The following ATP9B variants were observed in gnomAD, a reference collection of about 807,000 sequenced individuals.
ATP9B encodes the protein probable phospholipid-transporting ATPase IIB.
ATP9B carries 110 observed loss-of-function variants against 146.1 expected under a neutral mutation model. The observed-to-expected ratio is 0.75, with a 90% CI of 0.65 to 0.88. The LOEUF (loss-of-function observed/expected upper bound fraction) is 0.88, where lower values mean the gene tolerates loss of function less well. Ranked by LOEUF, ATP9B falls within the 40% of genes least tolerant of loss-of-function variation. The pLI is 0.00. For synonymous variants in ATP9B, 604 were observed against 569.7 expected (o/e 1.06, Z -0.86); for missense variants, 1,499 against 1,496.4 (o/e 1.00, Z -0.03).
chr18:79,150,810 A>C (rs2094677183), intron 6 of ATP9B, among the ~76,000 whole-genome samples: 1 of 152,132 alleles, frequency 6.6e-6, no homozygotes, highest in African/African-American at 2.4e-5. Context: ...GACAACATAG[A>C]CCAAAATTTA....
In ATP9B at chr18:79,193,283, C is replaced by G. The variant is rs370967359; in HGVS notation, c.954+20C>G. On this transcript the variant is annotated intron_variant, in intron 9 of 29. Coordinates refer to ENST00000426216, the MANE Select transcript of ATP9B (RefSeq NM_198531.5). ...ACCAGGGTAAGTTAAACCTGTTGTT[C>G]AATACAAATAGAGTTATTGTGTAAG... 4.5e-6 allele frequency: 7 copies of G among 1,548,124 alleles called. 1 individual carries two copies. The highest frequency in any genetic ancestry group is 6.2e-6 in the Non-Finnish European group (7 of 1,121,288).
At chr18:79,213,457 C>A (rs1183826778) in intron 10 of ATP9B, among the ~76,000 whole-genome samples, 3 of 152,048 alleles carry the variant, frequency 2.0e-5, no homozygotes, top group African/African-American at 7.2e-5. Context: ...TATAATATTT[C>A]TATTATTTTA....
At chr18:79,354,070 GT>G (rs2096936701) in intron 25 of ATP9B, 1 of 152,174 alleles carries the variant, frequency 6.6e-6, no homozygotes, top group Non-Finnish European at 1.5e-5. Flanking sequence ...ACCTACAATA[GT>G]TTTAAAAATA....
chr18:79,286,214 G>A (rs1456216684), intron 13 of ATP9B, among the ~76,000 whole-genome samples: 7 of 151,956 alleles, frequency 4.6e-5, no homozygotes, highest in African/African-American at 9.7e-5. Context: ...TGGGCAGTAC[G>A]GCCATTTTCA....
At chr18:79,218,401 G>A (rs2095648116) in intron 11 of ATP9B, among the ~76,000 whole-genome samples, 2 of 151,158 alleles carry the variant, frequency 1.3e-5, no homozygotes, top group Non-Finnish European at 2.9e-5. Flanking sequence ...GGCACAGGCT[G>A]GCAGCTCCTG....
intron 11 of ATP9B, among the ~76,000 whole-genome samples, chr18:79,237,188 C>T (rs1328273439): frequency 9.9e-6 from 1 of 100,652 alleles, no homozygotes; most frequent in Non-Finnish European, 2.0e-5. Flanking sequence ...TGTACACAGT[C>T]CGTGCACGAG....
At chr18:79,217,129 G>A (rs1224800744) in intron 11 of ATP9B, among the ~76,000 whole-genome samples, 2 of 152,256 alleles carry the variant, frequency 1.3e-5, no homozygotes, top group Non-Finnish European at 2.9e-5. Context: ...GCTGCTGATA[G>A]TGAAGCTCCT....
At chr18:79,337,164 C>G (rs538219200) in intron 18 of ATP9B, 115 bp from the exon 19 acceptor site, 3 of 1,331,538 alleles carry the variant, frequency 2.3e-6, no homozygotes, top group Admixed American at 3.8e-5. Flanking sequence ...AGCACGTACA[C>G]GTGTGCACAT....
At chr18:79,215,864 A>G (rs1467640608) in intron 11 of ATP9B, among the ~76,000 whole-genome samples, 1 of 151,960 alleles carries the variant, frequency 6.6e-6, no homozygotes, top group Non-Finnish European at 1.5e-5. Context: ...TAATTTTCAT[A>G]TTTTTAGTAG....
At chr18:79,332,540 T>C (rs1331262969) in intron 17 of ATP9B, among the ~76,000 whole-genome samples, 3 of 152,134 alleles carry the variant, frequency 2.0e-5, no homozygotes, top group African/African-American at 7.2e-5. Context: ...GGTCTTCATG[T>C]TGAGGAGGCT....
intron 7 of ATP9B, among the ~76,000 whole-genome samples, chr18:79,175,793 C>G (rs1405651295): frequency 6.6e-6 from 1 of 152,136 alleles, no homozygotes; most frequent in African/African-American, 2.4e-5. Context: ...TACGCTTGTG[C>G]ACACACAGCA....
At chr18:79,116,915 A>G (rs1313449318) in intron 4 of ATP9B, among the ~76,000 whole-genome samples, 2 of 112,646 alleles carry the variant, frequency 1.8e-5, no homozygotes, top group African/African-American at 7.1e-5. Context: ...TAAAACTTAG[A>G]GTATAATAAA....
intron 11 of ATP9B, among the ~76,000 whole-genome samples, chr18:79,250,754 G>A (rs899477197): frequency 6.6e-6 from 1 of 152,214 alleles, no homozygotes; most frequent in Non-Finnish European, 1.5e-5. Context: ...GCCCATACCC[G>A]CAGCAGCGTT....
At chr18:79,292,390 G>A (rs911772122) in intron 13 of ATP9B, among the ~76,000 whole-genome samples, 2 of 152,218 alleles carry the variant, frequency 1.3e-5, no homozygotes, top group African/African-American at 4.8e-5. Context: ...GAATGAAATT[G>A]TATTTCTGTA....
chr18:79,256,955 T>G (rs1381570267), intron 12 of ATP9B, among the ~76,000 whole-genome samples: 3 of 152,226 alleles, frequency 2.0e-5, no homozygotes, highest in African/African-American at 7.2e-5. Flanking sequence ...TGATTATGTT[T>G]GAAGTAAGAC....
intron 11 of ATP9B, among the ~76,000 whole-genome samples, chr18:79,220,218 T>G (rs141596409): frequency 2.9e-4 from 44 of 152,010 alleles, no homozygotes; most frequent in African/African-American, 1.1e-3. Flanking sequence ...TGAAAATGAG[T>G]TGTTGAAGTT....
chr18:79,335,323 T>A (rs79740044), intron 17 of ATP9B, among the ~76,000 whole-genome samples: 5,121 of 152,286 alleles, frequency 0.034, 130 homozygotes, highest in Non-Finnish European at 0.045. Context: ...GTGTCACTGG[T>A]ATGAGCAGTT....
At chr18:79,328,491 A>G (rs1194993971) in intron 15 of ATP9B, among the ~76,000 whole-genome samples, 1 of 152,152 alleles carries the variant, frequency 6.6e-6, no homozygotes, top group Non-Finnish European at 1.5e-5. Flanking sequence ...TTGGCCTCAA[A>G]GCAATTTGGA....
intron 7 of ATP9B, among the ~76,000 whole-genome samples, chr18:79,168,329 C>A (rs997110725): frequency 6.6e-6 from 1 of 151,624 alleles, no homozygotes; most frequent in Non-Finnish European, 1.5e-5. Context: ...TAAAAATAAA[C>A]AAATGAGTAT....
Sources: gnomAD v4.1 joint callset for allele counts (sites outside exome capture counted in the v4.1 genomes callset) on GRCh38, gnomAD v4.1.1 for gene constraint, MANE v1.5 for transcripts, NCBI Gene and HGNC (gene_info 2026-07-23, HGNC 2026-07-21) for gene names.